Variants in NKAIN2 observed in about 807,000 individuals in gnomAD.
NKAIN2 encodes sodium/potassium-transporting ATPase subunit beta-1-interacting protein 2.
In NKAIN2, 14 loss-of-function variants were observed where a neutral mutation model predicts 32.6. That is an observed-to-expected ratio of 0.43 (90% CI 0.28 to 0.67). The LOEUF (loss-of-function observed/expected upper bound fraction) is 0.67. Ranked by LOEUF, NKAIN2 falls within the 30% of genes least tolerant of loss-of-function variation. The pLI is 0.17. For missense variants in NKAIN2, 198 were observed against 258.3 expected (o/e 0.77, Z 1.60); for synonymous variants, 80 against 87.2 (o/e 0.92, Z 0.46).
intron 3 of NKAIN2, among the ~76,000 whole-genome samples, chr6:124,462,515 C>A (rs1173001590): frequency 6.6e-6 from 1 of 151,892 alleles, no homozygotes; most frequent in Non-Finnish European, 1.5e-5. Context: ...GTGAACATAG[C>A]TTTCAGAGTT....
chr6:124,051,828 A>G (rs1782417142), intron 1 of NKAIN2, among the ~76,000 whole-genome samples: 1 of 152,066 alleles, frequency 6.6e-6, no homozygotes, highest in Non-Finnish European at 1.5e-5. Flanking sequence ...ATAAAAGGCC[A>G]AAAGCAGATA....
chr6:124,100,651 T>C (rs1485374480), intron 1 of NKAIN2, among the ~76,000 whole-genome samples: 2 of 152,194 alleles, frequency 1.3e-5, no homozygotes, highest in Admixed American at 1.3e-4. Flanking sequence ...AAAACAAACA[T>C]CTCTTGCTGC....
At chr6:124,221,660 A>G (rs1036130127) in intron 1 of NKAIN2, among the ~76,000 whole-genome samples, 1 of 152,156 alleles carries the variant, frequency 6.6e-6, no homozygotes, top group Non-Finnish European at 1.5e-5. Context: ...AGGGCCAGAA[A>G]TGATGCTAAA....
rs1562195088 is a variant in NKAIN2 at position 124,454,105 on chromosome 6, T to TG, written c.273+98758_273+98759insG. 3.0e-4 allele frequency among the ~76,000 whole-genome samples: 39 copies of TG among 130,736 alleles called. 1 individual carries two copies. Among genetic ancestry groups the TG allele is most frequent in the Middle Eastern group, 3.8e-3 (1 of 260 alleles). The allele number at this position is 130,736 out of a possible 152,430, so 85.8% of individuals were successfully genotyped here. On this transcript the variant is annotated intron_variant, in intron 3 of 6. Coordinates refer to ENST00000368417, the MANE Select transcript of NKAIN2 (RefSeq NM_001040214.3). ...TTCTTTAATATGTTGGGTTTTTTTT[T>TG]TGGGGGGGGGGGTTGCTGGTTTATT...
intron 5 of NKAIN2, among the ~76,000 whole-genome samples, chr6:124,814,711 G>A (rs1781066946): frequency 6.6e-6 from 1 of 152,046 alleles, no homozygotes; most frequent in South Asian, 2.1e-4. Flanking sequence ...GTCTTTGGAA[G>A]GTCTACATGG....
rs572341066 is a variant in NKAIN2 at position 123,875,045 on chromosome 6, A to T, written c.54+70791A>T. On this transcript the variant is annotated intron_variant, in intron 1 of 6. Transcript: ENST00000368417. ...GACTTTTCCATATTATTATAGGTGC[A>T]TTGGAAAATTTAATGACTGCATTAT... Among the ~76,000 whole-genome samples, 10 of 152,150 alleles carry T rather than the reference A, an allele frequency of 6.6e-5. No homozygotes were observed. The South Asian group carries it at 2.1e-3, about 32-fold the overall frequency.
chr6:124,806,078 C>A lies in NKAIN2; in HGVS notation c.536-12309C>A, dbSNP rs534356100. On this transcript the variant is annotated intron_variant, in intron 5 of 6. Transcript: ENST00000368417. ...GGAAAACATTCTGCAGGATATTATC[C>A]AGGAGAACTTCTCCAATCTAGCAAG... Among the ~76,000 whole-genome samples, 75 of 152,236 alleles carry A rather than the reference C, an allele frequency of 4.9e-4. No homozygotes were observed. The South Asian group carries it at 6.8e-3, about 14-fold the overall frequency.
At chr6:124,366,133 A>G (rs1238828850) in intron 3 of NKAIN2, among the ~76,000 whole-genome samples, 2 of 152,126 alleles carry the variant, frequency 1.3e-5, no homozygotes, top group African/African-American at 2.4e-5. Flanking sequence ...TAACAAGGAC[A>G]ATAGCAGAAC....
chr6:124,342,058 C>G (rs1798136758), intron 2 of NKAIN2, among the ~76,000 whole-genome samples: 1 of 152,014 alleles, frequency 6.6e-6, no homozygotes, highest in Non-Finnish European at 1.5e-5. Context: ...AAATATTGTC[C>G]TACTATTTTG....
chr6:124,095,182 A>T (rs1784600221), intron 1 of NKAIN2, among the ~76,000 whole-genome samples: 1 of 152,278 alleles, frequency 6.6e-6, no homozygotes, highest in Middle Eastern at 3.4e-3. Flanking sequence ...GTCATAAGAG[A>T]GTAAATGAAA....
chr6:123,937,771 A>G (rs1038667873), intron 1 of NKAIN2, among the ~76,000 whole-genome samples: 8 of 152,088 alleles, frequency 5.3e-5, no homozygotes, highest in Non-Finnish European at 7.4e-5. Flanking sequence ...TGGGGTATCA[A>G]TGTGAGCAGC....
At chr6:124,769,422 C>T (rs1778652431) in intron 4 of NKAIN2, among the ~76,000 whole-genome samples, 1 of 152,090 alleles carries the variant, frequency 6.6e-6, no homozygotes, top group South Asian at 2.1e-4. Flanking sequence ...AATCCCCCAC[C>T]CTCTGTTTCT....
intron 1 of NKAIN2, among the ~76,000 whole-genome samples, chr6:124,150,351 C>A (rs1787646044): frequency 6.6e-6 from 1 of 152,258 alleles, no homozygotes; most frequent in Non-Finnish European, 1.5e-5. Context: ...CCTTCCCACT[C>A]CAAAACCTCA....
intron 2 of NKAIN2, among the ~76,000 whole-genome samples, chr6:124,316,032 A>C (rs543676749): frequency 6.6e-6 from 1 of 152,104 alleles, no homozygotes; most frequent in Non-Finnish European, 1.5e-5. Flanking sequence ...TGAGTAAAAA[A>C]TACAATAAGG....
chr6:124,567,647 C>G lies in NKAIN2; in HGVS notation c.274-90539C>G, dbSNP rs114450003. The stretch of plus-strand genomic sequence containing the variant: ...CTGGAAGTTGGCAGGAGCAGCTCTG[C>G]TGATCTCAGTGAGGATCACTCATGG... On this transcript the variant is annotated intron_variant, in intron 3 of 6. Transcript: ENST00000368417. Among the ~76,000 whole-genome samples the G allele has an allele frequency of 5.9e-3, 893 of 152,328 alleles. 10 individuals are homozygous for G. The highest frequency in any genetic ancestry group is 0.02 in the African/African-American group (844 of 41,586).
At chr6:124,791,031 A>G (rs1374778162) in intron 4 of NKAIN2, among the ~76,000 whole-genome samples, 2 of 152,162 alleles carry the variant, frequency 1.3e-5, no homozygotes, top group African/African-American at 4.8e-5. Context: ...GCAAATGTTA[A>G]TCCACTAGTG....
At chr6:124,627,447 T>C (rs998058720) in intron 3 of NKAIN2, among the ~76,000 whole-genome samples, 14 of 152,028 alleles carry the variant, frequency 9.2e-5, no homozygotes, top group Non-Finnish European at 1.5e-4. Context: ...GTAAGACAAA[T>C]AATAGGATGT....
intron 3 of NKAIN2, among the ~76,000 whole-genome samples, chr6:124,392,495 G>C (rs1001282794): frequency 1.3e-5 from 2 of 152,032 alleles, no homozygotes; most frequent in African/African-American, 4.8e-5. Context: ...ATCAGATGAG[G>C]ACTTTTCCAG....
chr6:124,460,939 TCTTGAA>T (rs1401479013), intron 3 of NKAIN2, among the ~76,000 whole-genome samples: 6 of 151,804 alleles, frequency 4.0e-5, no homozygotes, highest in Non-Finnish European at 1.5e-5. Context: ...TGGGTGGTTA[TCTTGAA>T]TTGGAAGTTT....
Sources: allele counts gnomAD v4.1 joint callset (sites outside exome capture counted in the v4.1 genomes callset), GRCh38; gene constraint gnomAD v4.1.1; transcripts MANE v1.5; gene names NCBI Gene and HGNC (gene_info 2026-07-23, HGNC 2026-07-21).